The following SPECC1L variants were observed in gnomAD, a reference collection of about 807,000 sequenced individuals.
The protein encoded by SPECC1L is cytospin-A.
A neutral mutation model predicts 116.8 loss-of-function variants in SPECC1L; 40 were observed. The ratio of observed to expected loss-of-function variants is 0.34; its 90% CI spans 0.27 to 0.45. The LOEUF (loss-of-function observed/expected upper bound fraction) is 0.45, where lower values mean the gene tolerates loss of function less well. Ranked by LOEUF, SPECC1L falls within the 20% of genes least tolerant of loss-of-function variation. The pLI, the probability that SPECC1L is intolerant of heterozygous loss-of-function variation, is 1.00. For synonymous variants in SPECC1L, 504 were observed against 500.6 expected (o/e 1.01, Z -0.09); for missense variants, 1,110 against 1,373.6 (o/e 0.81, Z 3.03).
chr22:24,359,118 C>A (rs1487366499), intron 11 of SPECC1L, among the ~76,000 whole-genome samples: 1 of 152,152 alleles, frequency 6.6e-6, no homozygotes, highest in Non-Finnish European at 1.5e-5. Flanking sequence ...AACTATCCTC[C>A]CTCTGTTGCC....
At position 24,302,239 on chromosome 22, in the gene SPECC1L, A is replaced by C. The variant is rs1475780194; in HGVS notation, c.8A>C (p.Lys3Thr). The change falls in exon 3 of 17, where the codon AAA (lysine) becomes ACA (threonine). Residue 3 changes from lysine to threonine, a missense_variant. Lys to Thr is a moderately conservative substitution (Grantham distance 78). Around this residue, in one of 4 missense-constraint regions of SPECC1L, gnomAD observed 437 missense variants for 482.6 expected, o/e 0.91. Coordinates refer to ENST00000314328, the MANE Select transcript of SPECC1L (RefSeq NM_015330.6). ...ACGAAGAGGCAGCCCAGAATGAAGA[A>C]AGCAAGCAGGAGTGTTGGCTCAGTG... MKKASRSVGSVPK... is the reference protein window; with the variant it reads MKTASRSVGSVPK... 2 of 1,614,144 alleles carry C rather than the reference A, an allele frequency of 1.2e-6. No homozygotes were observed. The highest frequency in any genetic ancestry group is 2.2e-5 in the South Asian group (2 of 91,078).
Position 24,414,531 on chromosome 22 carries a change from C to T in SPECC1L, c.3265-3C>T. The T allele has an allele frequency of 1.2e-6, 2 of 1,613,634 alleles. No homozygotes were observed. Among genetic ancestry groups the T allele is most frequent in the Non-Finnish European group, 1.7e-6 (2 of 1,179,730 alleles). On this transcript the variant is annotated splice_polypyrimidine_tract_variant and splice_region_variant and intron_variant, in intron 16 of 16. Coordinates refer to ENST00000314328, the MANE Select transcript of SPECC1L (RefSeq NM_015330.6). ...CTAACCAAGCGTCTTCCTTGTCTGT[C>T]AGGACATTAATGAAATGGTACGGAC...
intron 14 of SPECC1L, among the ~76,000 whole-genome samples, chr22:24,396,437 A>G (rs2042370800): frequency 6.6e-6 from 1 of 152,060 alleles, no homozygotes. Flanking sequence ...AGCTGGGATT[A>G]CAGGCGTCTG....
intron 14 of SPECC1L, among the ~76,000 whole-genome samples, chr22:24,406,086 A>G (rs1190040805): frequency 6.6e-6 from 1 of 152,122 alleles, no homozygotes; most frequent in East Asian, 1.9e-4. Context: ...ATCCAGGGTG[A>G]TTTTAGCCCT....
At chr22:24,287,817 C>T (rs1321084621) in intron 2 of SPECC1L, among the ~76,000 whole-genome samples, 2 of 152,030 alleles carry the variant, frequency 1.3e-5, no homozygotes, top group African/African-American at 4.8e-5. Flanking sequence ...TATAATGGGC[C>T]CTCGGGGTTT....
chr22:24,272,915 G>C (rs979086759), intron 1 of SPECC1L, among the ~76,000 whole-genome samples: 1 of 152,170 alleles, frequency 6.6e-6, no homozygotes, highest in African/African-American at 2.4e-5. Flanking sequence ...ATGGTTGCAG[G>C]TGTGTAGGGG....
At position 24,402,137 on chromosome 22, in the gene SPECC1L, C is replaced by CCTTCCCCTTT. The variant is rs2042490452; in HGVS notation, c.3088-9442_3088-9441insTCTTCCCCTT. Among the ~76,000 whole-genome samples the CCTTCCCCTTT allele has an allele frequency of 1.4e-4, 20 of 139,510 alleles. No homozygotes were observed. The Admixed American group carries it at 1.5e-3, about 10-fold the overall frequency. The allele number at this position is 139,510 out of a possible 152,430, so 91.5% of individuals were successfully genotyped here. Reference sequence around the variant, plus strand: ...CCCTTCCTTCCCCTTCCTTCCCCTTCCTTCCCCTTCCCTCCCCTTCCCTTC... The same window carrying CCTTCCCCTTT: ...CCCTTCCTTCCCCTTCCTTCCCCTTCCTTCCCCTTTCTTCCCCTTCCCTCCCCTTCCCTTC... On this transcript the variant is annotated intron_variant, in intron 14 of 16. Transcript: ENST00000314328.
chr22:24,328,910 A>G lies in SPECC1L; in HGVS notation c.2211A>G (p.Arg737=). ...AAAGAGAAATAAAGACACTCCACAG[A>G]AGACTTCGGGTAGGATAAATCTTCA... The part of the protein sequence containing the change: ...DMEREIKTLH[R]RLREESAEWR... The change falls in exon 7 of 17, where the codon AGA becomes AGG. Residue 737 remains arginine (R), a synonymous_variant. Transcript: ENST00000314328. 6.2e-7 allele frequency: 1 copy of G among 1,613,038 alleles called. No homozygotes were observed. Among genetic ancestry groups the G allele is most frequent in the Non-Finnish European group, 8.5e-7 (1 of 1,179,078 alleles).
intron 10 of SPECC1L, among the ~76,000 whole-genome samples, chr22:24,344,284 G>A (rs748205331): frequency 6.6e-6 from 1 of 151,724 alleles, no homozygotes; most frequent in Non-Finnish European, 1.5e-5. Flanking sequence ...CAAGTGTGAT[G>A]TATCCCAGGG....
rs976972264 is a variant in SPECC1L, at chr22:24,360,290, C to A, written c.2744-2971C>A. Among the ~76,000 whole-genome samples, 3 of 152,220 alleles carry A rather than the reference C, an allele frequency of 2.0e-5. No individual in the cohort carries two copies. The East Asian group carries it at 5.8e-4, about 29-fold the overall frequency. On this transcript the variant is annotated intron_variant, in intron 11 of 16. Transcript: ENST00000314328. ...CCTGTGTTCTTACTGTGACAAGTGC[C>A]TCTGGGCAGATTTGATTCTCACAGT...
intron 11 of SPECC1L, among the ~76,000 whole-genome samples, chr22:24,361,951 T>C (rs1213478703): frequency 3.3e-5 from 5 of 152,192 alleles, no homozygotes; most frequent in Admixed American, 6.5e-5. Flanking sequence ...CCTTAAGAGA[T>C]AGCATGATAT....
In SPECC1L at chr22:24,321,891, G is replaced by A. The variant is rs370069455; in HGVS notation, c.911G>A (p.Ser304Asn). ...CCAGAAATCACCCCTGGTAACCAGA[G>A]CGATGGAGGAGGAACTCTGACTTCT... ...LSPEITPGNQ[S>N]DGGGTLTSSV... Residue 304 changes from serine to asparagine, a missense_variant, in exon 5 of 17, where the codon AGC (serine) becomes AAC (asparagine). Transcript: ENST00000314328. 3 of 1,614,246 alleles carry A rather than the reference G, an allele frequency of 1.9e-6. No individual in the cohort carries two copies. The highest frequency in any genetic ancestry group is 2.5e-6 in the Non-Finnish European group (3 of 1,180,034).
intron 8 of SPECC1L, among the ~76,000 whole-genome samples, chr22:24,330,783 C>G (rs538676263): frequency 6.6e-6 from 1 of 152,144 alleles, no homozygotes; most frequent in Non-Finnish European, 1.5e-5. Context: ...ATTCTTGGCT[C>G]GTGTCCAGCT....
rs1014035562 is a variant in SPECC1L, at chr22:24,414,896, G to C, written c.*273G>C. On this transcript the variant is annotated 3_prime_UTR_variant, in exon 17 of 17. Coordinates refer to ENST00000314328, the MANE Select transcript of SPECC1L (RefSeq NM_015330.6). ...CGGTGGCTGCTGGAGTTTTCCTTCT[G>C]AAGAGAATATTGAACTACACTAGTG... 6 of 499,384 alleles carry C rather than the reference G, an allele frequency of 1.2e-5. No individual in the cohort carries two copies. The highest frequency in any genetic ancestry group is 3.9e-5 in the African/African-American group (2 of 51,568). The allele number at this position is 499,384 out of a possible 1,614,324, so 30.9% of individuals were successfully genotyped here.
chr22:24,308,107 A>G (rs2049538732), intron 3 of SPECC1L, among the ~76,000 whole-genome samples: 1 of 152,080 alleles, frequency 6.6e-6, no homozygotes. Flanking sequence ...TATAGACATA[A>G]TGCTCCTTTA....
intron 11 of SPECC1L, among the ~76,000 whole-genome samples, chr22:24,356,210 G>A (rs1007508159): frequency 6.6e-6 from 1 of 151,986 alleles, no homozygotes; most frequent in Non-Finnish European, 1.5e-5. Flanking sequence ...TCAAGTCTGG[G>A]TCTTCTGTAT....
intron 14 of SPECC1L, among the ~76,000 whole-genome samples, chr22:24,403,976 T>C (rs1250803529): frequency 1.3e-5 from 2 of 152,184 alleles, no homozygotes; most frequent in African/African-American, 4.8e-5. Flanking sequence ...CAAACCTGAT[T>C]TGTGGTTGCT....
At chr22:24,273,552 T>C (rs2048771976) in intron 1 of SPECC1L, among the ~76,000 whole-genome samples, 1 of 152,228 alleles carries the variant, frequency 6.6e-6, no homozygotes, top group Non-Finnish European at 1.5e-5. Flanking sequence ...TCTCTTGTTT[T>C]CCTGCTGCTG....
At chr22:24,362,858 G>A (rs901139735) in intron 11 of SPECC1L, among the ~76,000 whole-genome samples, 3 of 152,138 alleles carry the variant, frequency 2.0e-5, no homozygotes, top group African/African-American at 7.2e-5. Flanking sequence ...TGACTTGTCT[G>A]TGGTTGTATA....
Sources: allele counts gnomAD v4.1 joint callset (sites outside exome capture counted in the v4.1 genomes callset), GRCh38; gene constraint gnomAD v4.1.1; regional missense constraint gnomAD v4.1.1; transcripts MANE v1.5; gene names NCBI Gene and HGNC (gene_info 2026-07-23, HGNC 2026-07-21).